Variants in SLC9A4 observed in about 807,000 individuals in gnomAD.
SLC9A4 encodes the protein sodium/hydrogen exchanger 4.
SLC9A4 carries 63 observed loss-of-function variants against 67.4 expected under a neutral mutation model. That is an observed-to-expected ratio of 0.93 (90% CI 0.76 to 1.15). The LOEUF (loss-of-function observed/expected upper bound fraction) is 1.15, where lower values mean the gene tolerates loss of function less well. Ranked by LOEUF, SLC9A4 falls within the 50% of genes most tolerant of loss-of-function variation. The probability of loss-of-function intolerance (pLI) is 0.00; values close to 1 mark genes in which losing one functional copy is unlikely to be tolerated. For synonymous variants in SLC9A4, 393 were observed against 367.2 expected, an observed-to-expected ratio of 1.07 and a Z score of -0.80; for missense variants, 1,089 against 987.7, an observed-to-expected ratio of 1.10 and a Z score of -1.38.
chr2:102,485,688 G>A (rs73944360), intron 2 of SLC9A4, among the ~76,000 whole-genome samples: 2,034 of 152,288 alleles, frequency 0.013, 47 homozygotes, highest in African/African-American at 0.045. Flanking sequence ...ATGATGAGGC[G>A]GCAAGCAGTG....
At chr2:102,476,622 C>T (rs6737668) in intron 1 of SLC9A4, among the ~76,000 whole-genome samples, 117,495 of 152,040 alleles carry the variant, frequency 0.77, 46,379 homozygotes, top group African/African-American at 0.89. Context: ...ACCTCCTTTA[C>T]ATATTGAAAA....
chr2:102,518,093 C>T (rs934501550), intron 8 of SLC9A4, among the ~76,000 whole-genome samples: 4 of 152,134 alleles, frequency 2.6e-5, no homozygotes, highest in South Asian at 2.1e-4. Flanking sequence ...TCCATAGCTG[C>T]GGCTTCTCAG....
At chr2:102,523,864 T>C (rs1674600812) in intron 9 of SLC9A4, among the ~76,000 whole-genome samples, 1 of 152,218 alleles carries the variant, frequency 6.6e-6, no homozygotes, top group East Asian at 1.9e-4. Flanking sequence ...GTGTTTTCTC[T>C]TCCTGGAATT....
At position 102,510,272 on chromosome 2, in the gene SLC9A4, C is replaced by CAGATATAGATATAGATAT. The variant is rs145991620; in HGVS notation, c.1488+1360_1488+1377dup. On this transcript the variant is annotated intron_variant, in intron 6 of 11. Coordinates refer to ENST00000295269, the MANE Select transcript of SLC9A4 (RefSeq NM_001011552.4). Reference sequence around the variant, plus strand: ...ACAGATACAGATACAGATACAGATACAGATATAGATATAGATATAGATATA... The same window carrying CAGATATAGATATAGATAT: ...ACAGATACAGATACAGATACAGATACAGATATAGATATAGATATAGATATAGATATAGATATAGATATA... 2.7e-3 allele frequency among the ~76,000 whole-genome samples: 347 copies of CAGATATAGATATAGATAT among 126,296 alleles called. 1 individual carries two copies. The highest frequency in any genetic ancestry group is 0.012 in the Middle Eastern group (3 of 258). The allele number at this position is 126,296 out of a possible 152,430, so 82.9% of individuals were successfully genotyped here. A position where few individuals can be genotyped will look rare whatever the true frequency, so the allele number is the denominator to read the frequency against.
intron 4 of SLC9A4, among the ~76,000 whole-genome samples, chr2:102,506,295 A>G (rs1170676413): frequency 6.6e-6 from 1 of 152,204 alleles, no homozygotes; most frequent in Non-Finnish European, 1.5e-5. Flanking sequence ...TGACTTGACT[A>G]ATATTTGAAG....
At chr2:102,516,181 G>C (rs2216000) in intron 8 of SLC9A4, among the ~76,000 whole-genome samples, 76,000 of 151,996 alleles carry the variant, frequency 0.5, 20,044 homozygotes, top group Admixed American at 0.59. Flanking sequence ...TATTTGGAGT[G>C]GGGGCCTGCC....
At chr2:102,527,538 G>T (rs1252787463) in intron 11 of SLC9A4, among the ~76,000 whole-genome samples, 2 of 152,046 alleles carry the variant, frequency 1.3e-5, no homozygotes, top group East Asian at 3.8e-4. Flanking sequence ...TAAGGGCTCT[G>T]GACCACTTGT....
chr2:102,503,796 A>T, intron 3 of SLC9A4, 89 bp downstream of exon 3: 3 of 1,501,220 alleles, frequency 2.0e-6, no homozygotes, highest in Non-Finnish European at 2.7e-6. Flanking sequence ...GAAAGACATA[A>T]CCAATGACGC....
At chr2:102,515,469 T>C (rs1396031208) in intron 8 of SLC9A4, among the ~76,000 whole-genome samples, 1 of 149,892 alleles carries the variant, frequency 6.7e-6, no homozygotes, top group Non-Finnish European at 1.5e-5. Flanking sequence ...GTGACTTTTC[T>C]TTGAGGGTGG....
chr2:102,476,566 AC>A (rs1382084306), intron 1 of SLC9A4, among the ~76,000 whole-genome samples: 1 of 152,214 alleles, frequency 6.6e-6, no homozygotes, highest in African/African-American at 2.4e-5. Flanking sequence ...GCAGGGCCAA[AC>A]TGGGGAGCCA....
intron 9 of SLC9A4, 113 bp downstream of exon 9, chr2:102,520,068 G>A: frequency 7.9e-6 from 6 of 757,682 alleles, no homozygotes; most frequent in South Asian, 2.1e-5. Flanking sequence ...TCTGTAAGGT[G>A]GTAACTTGCT....
intron 2 of SLC9A4, among the ~76,000 whole-genome samples, chr2:102,485,149 T>G (rs759555408): frequency 2.3e-4 from 35 of 152,224 alleles, no homozygotes; most frequent in Admixed American, 3.9e-4. Flanking sequence ...TCTCGGTCCT[T>G]CAGGCCTCTT....
At chr2:102,491,534 C>T (rs1301635424) in intron 2 of SLC9A4, among the ~76,000 whole-genome samples, 1 of 151,976 alleles carries the variant, frequency 6.6e-6, no homozygotes, top group Non-Finnish European at 1.5e-5. Flanking sequence ...ATTTATAAAA[C>T]CACCAGATCT....
intron 2 of SLC9A4, among the ~76,000 whole-genome samples, chr2:102,483,711 T>C (rs201848268): frequency 2.7e-5 from 4 of 149,594 alleles, no homozygotes; most frequent in Non-Finnish European, 6.0e-5. Flanking sequence ...TTTAGTGTCC[T>C]CACCCGCCAC....
At chr2:102,494,083 T>C (rs1445858726) in intron 2 of SLC9A4, among the ~76,000 whole-genome samples, 1 of 151,726 alleles carries the variant, frequency 6.6e-6, no homozygotes, top group Non-Finnish European at 1.5e-5. Context: ...ACTAGGAGGG[T>C]TGGTGGTCAC....
chr2:102,500,546 G>A (rs746313277), intron 2 of SLC9A4, among the ~76,000 whole-genome samples: 5 of 152,076 alleles, frequency 3.3e-5, no homozygotes, highest in African/African-American at 9.7e-5. Context: ...GGCCTCCCCC[G>A]TCAACAAAGT....
At chr2:102,480,428 G>A (rs1281833826) in intron 2 of SLC9A4, among the ~76,000 whole-genome samples, 3 of 151,286 alleles carry the variant, frequency 2.0e-5, no homozygotes, top group Admixed American at 2.0e-4. Flanking sequence ...CAATGATGCA[G>A]CCTCGGCTCA....
chr2:102,477,945 T>C (rs939479261), intron 1 of SLC9A4, among the ~76,000 whole-genome samples: 2 of 152,240 alleles, frequency 1.3e-5, no homozygotes, highest in Non-Finnish European at 2.9e-5. Context: ...TCATGTCTTG[T>C]TTCCAAAACC....
At chr2:102,509,318 C>G (rs564775597) in intron 6 of SLC9A4, among the ~76,000 whole-genome samples, 8 of 152,320 alleles carry the variant, frequency 5.3e-5, no homozygotes, top group African/African-American at 1.9e-4. Context: ...TTCTGCCTCC[C>G]TCTTCCACAC....
Sources: allele counts gnomAD v4.1 joint callset (sites outside exome capture counted in the v4.1 genomes callset), GRCh38; gene constraint gnomAD v4.1.1; transcripts MANE v1.5; gene names NCBI Gene and HGNC (gene_info 2026-07-23, HGNC 2026-07-21).